Variants in IL2RA observed in about 807,000 individuals in gnomAD.
The protein encoded by IL2RA is interleukin 2 receptor subunit alpha.
In IL2RA, 24 loss-of-function variants were observed where a neutral mutation model predicts 37.8. That is an observed-to-expected ratio of 0.63 (90% confidence interval 0.46 to 0.89). The LOEUF (loss-of-function observed/expected upper bound fraction) is 0.89, where lower values mean the gene tolerates loss of function less well. IL2RA is among the 40% of genes least tolerant of loss of function. IL2RA has a pLI of 0.00. For missense variants in IL2RA, 319 were observed against 348.6 expected (o/e 0.92, Z 0.68); for synonymous variants, 125 against 114.6 (o/e 1.09, Z -0.58).
At chr10:6,019,615 C>G in intron 5 of IL2RA, 116 bp from the exon 6 acceptor site, 8 of 851,312 alleles carry the variant, frequency 9.4e-6, no homozygotes, top group Non-Finnish European at 1.2e-5. Context: ...GTGGGAGACA[C>G]GTGGTGGTGG....
chr10:6,060,297 G>A (rs1298599625), intron 1 of IL2RA, among the ~76,000 whole-genome samples: 5 of 152,140 alleles, frequency 3.3e-5, no homozygotes, highest in Non-Finnish European at 5.9e-5. Flanking sequence ...AAGAGACTAC[G>A]CACTGGGTAC....
At position 6,012,236 on chromosome 10, in the gene IL2RA, T is replaced by A. The variant is rs1326744916; in HGVS notation, c.*636A>T. ...AAAGATTATTCTGCCATGGCCTCTG[T>A]TTTTTAGAAATTCAAGACTGAAGGC... On this transcript the variant is annotated 3_prime_UTR_variant, in exon 8 of 8. Transcript: ENST00000379959. This position sits in a 1 kb window ranked among gnomAD's most constrained non-coding sequence, Gnocchi z 4.8. 6.5e-6 allele frequency: 1 copy of A among 152,898 alleles called. No homozygotes were observed. The highest frequency in any genetic ancestry group is 2.4e-5 in the African/African-American group (1 of 41,418). 9.5% of individuals were successfully genotyped at this position (152,898 alleles called of 1,614,324 possible). A position where few individuals can be genotyped will look rare whatever the true frequency, so the allele number is the denominator to read the frequency against.
chr10:6,026,006 C>T lies in IL2RA; in HGVS notation c.84G>A (p.Pro28=), dbSNP rs2228150. The T allele has an allele frequency of 0.038, 61,639 of 1,613,062 alleles. 2,597 individuals carry two copies. Among genetic ancestry groups the T allele is most frequent in the African/African-American group, 0.21 (15,420 of 74,918 alleles). ...TGAATGTGGCGTGTGGGATCTCTGG[C>T]GGGTCATCGTCACAGAGCTCTGCAA... ...GCQAELCDDD[P]PEIPHATFKA... Residue 28 remains proline, a synonymous_variant, in exon 2 of 8, where the codon CCG becomes CCA. Coordinates refer to ENST00000379959, the MANE Select transcript of IL2RA (RefSeq NM_000417.3).
At chr10:6,013,978 T>G (rs1839235258) in intron 7 of IL2RA, among the ~76,000 whole-genome samples, 1 of 151,996 alleles carries the variant, frequency 6.6e-6, no homozygotes, top group African/African-American at 2.4e-5. Flanking sequence ...ACTACAGGTA[T>G]GTGCCACCTC....
In IL2RA at chr10:6,055,741, G is replaced by A. The variant is rs1160400364; in HGVS notation, c.64+6347C>T. Among the ~76,000 whole-genome samples the A allele has an allele frequency of 6.1e-5, 2 of 32,624 alleles. 1 individual carries two copies. Among genetic ancestry groups the A allele is most frequent in the African/African-American group, 1.1e-4 (2 of 18,524 alleles). 21.4% of individuals were successfully genotyped at this position (32,624 alleles called of 152,430 possible). A position where few individuals can be genotyped will look rare whatever the true frequency, so the allele number is the denominator to read the frequency against. On this transcript the variant is annotated intron_variant, in intron 1 of 7. Transcript: ENST00000379959. ...GGGCACACCTCCCAGACGGGGTGGT[G>A]GCCGGGCAGAGGGGCTCCTCACTTC... is the stretch of plus-strand genomic sequence containing the variant.
rs576484330 is a variant in IL2RA, at chr10:6,062,287, C to A, written c.-136G>T. ...AAGATCGGTCCGCCTGGGCTGTCAC[C>A]CTTGTGGGTCCATCCAGTCTCTATC... On this transcript the variant is annotated 5_prime_UTR_variant, in exon 1 of 8. Coordinates refer to ENST00000379959, the MANE Select transcript of IL2RA (RefSeq NM_000417.3). 2.0e-5 allele frequency: 14 copies of A among 712,040 alleles called. No homozygotes were observed. In the African/African-American group the frequency reaches 2.4e-4, roughly 12 times the overall value. The allele number at this position is 712,040 out of a possible 1,614,324, so 44.1% of individuals were successfully genotyped here. A position where few individuals can be genotyped will look rare whatever the true frequency, so the allele number is the denominator to read the frequency against.
At chr10:6,013,832 AT>A (rs55729291) in intron 7 of IL2RA, among the ~76,000 whole-genome samples, 417 of 136,670 alleles carry the variant, frequency 3.1e-3, no homozygotes, top group South Asian at 4.6e-3. Flanking sequence ...AAATATTTTA[AT>A]TTTTTTTTTT....
intron 7 of IL2RA, among the ~76,000 whole-genome samples, chr10:6,016,643 G>C (rs976754203): frequency 1.3e-5 from 2 of 151,900 alleles, no homozygotes; most frequent in Non-Finnish European, 2.9e-5. Context: ...CGCGATCTTG[G>C]CTCACTGCAA....
rs1839877445 is a variant in IL2RA at position 6,047,246 on chromosome 10, C to G, written c.64+14842G>C. 6.6e-6 allele frequency among the ~76,000 whole-genome samples: 1 copy of G among 152,236 alleles called. No homozygotes were observed. The highest frequency in any genetic ancestry group is 1.5e-5 in the Non-Finnish European group (1 of 68,054). ...AGGAACAACCCCCATGCCAACAGCA[C>G]TCCATCCCGACCTCATACCATGTGC... On this transcript the variant is annotated intron_variant, in intron 1 of 7. Coordinates refer to ENST00000379959, the MANE Select transcript of IL2RA (RefSeq NM_000417.3). The surrounding 1 kb of genome is among the most constrained non-coding windows in gnomAD (Gnocchi z 5.0).
intron 1 of IL2RA, among the ~76,000 whole-genome samples, chr10:6,052,996 G>T (rs1242118332): frequency 6.6e-6 from 1 of 152,172 alleles, no homozygotes; most frequent in African/African-American, 2.4e-5. Flanking sequence ...GCAGGAGGCC[G>T]GCTGCTCTAG....
At position 6,025,605 on chromosome 10, in the gene IL2RA, G is replaced by A. The variant is rs959150390; in HGVS notation, c.256+229C>T. ...CAGGAGGCGGAAGTTGCAGTGAGCC[G>A]AGATCGCGTGCCATTGCACTCCAGC... is the stretch of plus-strand genomic sequence containing the variant. On this transcript the variant is annotated intron_variant, in intron 2 of 7. Transcript: ENST00000379959. The surrounding 1 kb of genome is among the most constrained non-coding windows in gnomAD (Gnocchi z 4.4). Among the ~76,000 whole-genome samples the A allele has an allele frequency of 2.0e-5, 3 of 151,786 alleles. No homozygotes were observed. Among genetic ancestry groups the A allele is most frequent in the Non-Finnish European group, 2.9e-5 (2 of 67,990 alleles).
At chr10:6,050,079 G>A (rs1156247056) in intron 1 of IL2RA, among the ~76,000 whole-genome samples, 5 of 152,174 alleles carry the variant, frequency 3.3e-5, no homozygotes, top group African/African-American at 9.7e-5. Flanking sequence ...TGCCCCTGAG[G>A]CAATGGAAAT....
rs887665331 is a variant in IL2RA at position 6,047,782 on chromosome 10, G to T, written c.64+14306C>A. ...AGGGTATGTTATATAAAATACTATAGTATACTCATTAATATAATTAGTATA... is the reference window on the plus strand; with the variant it reads ...AGGGTATGTTATATAAAATACTATATTATACTCATTAATATAATTAGTATA... On this transcript the variant is annotated intron_variant, in intron 1 of 7. Transcript: ENST00000379959. This position sits in a 1 kb window ranked among gnomAD's most constrained non-coding sequence, Gnocchi z 5.0. Among the ~76,000 whole-genome samples the T allele has an allele frequency of 6.7e-6, 1 of 148,648 alleles. No homozygotes were observed. The highest frequency in any genetic ancestry group is 2.5e-5 in the African/African-American group (1 of 40,746).
At position 6,020,166 on chromosome 10, in the gene IL2RA, C is replaced by T. The variant is rs1839361875; in HGVS notation, c.584-225G>A. 6.6e-6 allele frequency among the ~76,000 whole-genome samples: 1 copy of T among 152,208 alleles called. No individual in the cohort carries two copies. Among genetic ancestry groups the T allele is most frequent in the Non-Finnish European group, 1.5e-5 (1 of 68,046 alleles). On this transcript the variant is annotated intron_variant, in intron 4 of 7. Transcript: ENST00000379959. The surrounding 1 kb of genome is among the most constrained non-coding windows in gnomAD (Gnocchi z 5.6). ...AGACGAGGCTGAATTCTAACTCTGA[C>T]CCTAGCTGTCCCCAAAACTCTGAGC...
chr10:6,039,906 A>G (rs1448474625), intron 1 of IL2RA, among the ~76,000 whole-genome samples: 2 of 152,202 alleles, frequency 1.3e-5, no homozygotes, highest in African/African-American at 4.8e-5. Flanking sequence ...AGGCAACAGA[A>G]TGAAGGCTGC....
In IL2RA at chr10:6,022,388, C is replaced by T. The variant is rs1589293730; in HGVS notation, c.368-695G>A. Among the ~76,000 whole-genome samples the T allele has an allele frequency of 6.6e-6, 1 of 152,236 alleles. No homozygotes were observed. Among genetic ancestry groups the T allele is most frequent in the Admixed American group, 6.5e-5 (1 of 15,286 alleles). On this transcript the variant is annotated intron_variant, in intron 3 of 7. Coordinates refer to ENST00000379959, the MANE Select transcript of IL2RA (RefSeq NM_000417.3). The surrounding 1 kb of genome is among the most constrained non-coding windows in gnomAD (Gnocchi z 4.7). ...CCACTCACCCAACTACATCCCAGGC[C>T]TGACGGACCTGTGGCCTGAGACCAT... is the stretch of plus-strand genomic sequence containing the variant.
Position 6,021,492 on chromosome 10 carries a change from G to T in IL2RA, c.569C>A (p.Thr190Asn). Residue 190 changes from threonine (T) to asparagine (N), a missense_variant, in exon 4 of 8, where the codon ACC becomes AAC. Thr to Asn is a moderately conservative substitution (Grantham distance 65). Transcript: ENST00000379959. This position sits in a 1 kb window ranked among gnomAD's most constrained non-coding sequence, Gnocchi z 4.9. ...PQLICTGEME[T>N]SQFPGEEKPQ... is the part of the protein sequence containing the mutation. Reference sequence around the variant, plus strand: ...AGCCACCCTACCTGGAAACTGACTGGTCTCCATTTCACCTGTGCATATGAG... The same window carrying T: ...AGCCACCCTACCTGGAAACTGACTGTTCTCCATTTCACCTGTGCATATGAG... 1 of 1,613,882 alleles carries T rather than the reference G, an allele frequency of 6.2e-7. No homozygotes were observed. Among genetic ancestry groups the T allele is most frequent in the Non-Finnish European group, 8.5e-7 (1 of 1,179,954 alleles).
chr10:6,060,702 G>A (rs1276512894), intron 1 of IL2RA, among the ~76,000 whole-genome samples: 4 of 151,994 alleles, frequency 2.6e-5, no homozygotes, highest in African/African-American at 9.7e-5. Flanking sequence ...GGTTGCAGTG[G>A]ACTGAGATCA....
At chr10:6,034,304 C>T (rs1839645621) in intron 1 of IL2RA, among the ~76,000 whole-genome samples, 1 of 152,162 alleles carries the variant, frequency 6.6e-6, no homozygotes, top group African/African-American at 2.4e-5. Context: ...CACTAAAGAG[C>T]TTGGCTATAA....
Sources: allele counts gnomAD v4.1 joint callset (sites outside exome capture counted in the v4.1 genomes callset), GRCh38; gene constraint gnomAD v4.1.1; non-coding constraint Gnocchi (gnomAD v3.1); transcripts MANE v1.5; gene names NCBI Gene and HGNC (gene_info 2026-07-23, HGNC 2026-07-21).